The following PAXBP1 variants were observed in gnomAD, a reference collection of about 807,000 sequenced individuals.
The protein encoded by PAXBP1 is PAX3- and PAX7-binding protein 1.
In PAXBP1, 44 loss-of-function variants were observed where a neutral mutation model predicts 119.9. The ratio of observed to expected loss-of-function variants is 0.37; its 90% CI spans 0.29 to 0.47. PAXBP1 has a LOEUF of 0.47. Ranked by LOEUF, PAXBP1 falls within the 20% of genes least tolerant of loss-of-function variation. The pLI is 0.99. For synonymous variants in PAXBP1, 393 were observed against 406.6 expected (o/e 0.97, Z 0.40); for missense variants, 898 against 1,134.1 (o/e 0.79, Z 2.99).
intron 11 of PAXBP1, among the ~76,000 whole-genome samples, chr21:32,746,881 T>C (rs2043880034): frequency 1.3e-5 from 2 of 152,170 alleles, no homozygotes; most frequent in African/African-American, 4.8e-5. Context: ...GTTATACATA[T>C]ACACCATGGA....
intron 8 of PAXBP1, among the ~76,000 whole-genome samples, chr21:32,752,635 T>C (rs1266690692): frequency 4.0e-5 from 6 of 149,978 alleles, no homozygotes; most frequent in Admixed American, 4.0e-4. Flanking sequence ...GACCTTACTA[T>C]CTATCTATCT....
At chr21:32,770,072 AT>A in intron 1 of PAXBP1, 130 bp from the exon 2 acceptor site, 1 of 653,280 alleles carries the variant, frequency 1.5e-6, no homozygotes, top group Non-Finnish European at 2.4e-6. Context: ...TCATTGTATA[AT>A]TATTTCAAGT....
At chr21:32,763,023 C>T (rs542266082) in intron 3 of PAXBP1, among the ~76,000 whole-genome samples, 192 of 151,430 alleles carry the variant, frequency 1.3e-3, no homozygotes, top group Non-Finnish European at 2.0e-3. Flanking sequence ...TAGTACATTT[C>T]TCTTGCAGAT....
intron 15 of PAXBP1, among the ~76,000 whole-genome samples, chr21:32,740,234 G>A (rs1168853912): frequency 1.3e-5 from 2 of 152,168 alleles, no homozygotes; most frequent in African/African-American, 4.8e-5. Context: ...TCACCTACAT[G>A]TGACCTGGAA....
At chr21:32,737,217 C>T in intron 17 of PAXBP1, 37 bp downstream of exon 17, 3 of 1,425,644 alleles carry the variant, frequency 2.1e-6, no homozygotes, top group Non-Finnish European at 2.8e-6. Flanking sequence ...GGCAACTAAA[C>T]AACTCTAGAT....
chr21:32,763,337 T>C (rs1242137874), intron 3 of PAXBP1, among the ~76,000 whole-genome samples: 1 of 152,320 alleles, frequency 6.6e-6, no homozygotes, highest in Admixed American at 6.5e-5. Flanking sequence ...ATGTTGCTCA[T>C]TGCAAATGTT....
intron 8 of PAXBP1, among the ~76,000 whole-genome samples, chr21:32,753,252 T>A (rs572134481): frequency 6.7e-6 from 1 of 149,984 alleles, no homozygotes; most frequent in Admixed American, 6.6e-5. Context: ...AGGTCAGGAG[T>A]TCAAGACCAG....
Position 32,750,898 on chromosome 21 carries a change from T to A in PAXBP1, c.1723+19A>T. The stretch of plus-strand genomic sequence containing the variant: ...AAACTAAACTGATGATGAGTCTTAT[T>A]TCCAAATAAATGTCTAACCTTTTTC... On this transcript the variant is annotated intron_variant, in intron 10 of 17. Transcript: ENST00000331923. 1 of 1,573,258 alleles carries A rather than the reference T, an allele frequency of 6.4e-7. No homozygotes were observed. Among genetic ancestry groups the A allele is most frequent in the Non-Finnish European group, 8.7e-7 (1 of 1,148,678 alleles).
At chr21:32,750,860 C>A in intron 10 of PAXBP1, 57 bp downstream of exon 10, 1 of 1,296,064 alleles carries the variant, frequency 7.7e-7, no homozygotes, top group South Asian at 1.3e-5. Flanking sequence ...TGGTAAAAAC[C>A]ATACCCAAGT....
At chr21:32,757,832 G>T (rs2146504511) in intron 7 of PAXBP1, among the ~76,000 whole-genome samples, 1 of 152,354 alleles carries the variant, frequency 6.6e-6, no homozygotes, top group South Asian at 2.1e-4. Flanking sequence ...CCAGTAGGAA[G>T]GACATGACTG....
At position 32,771,483 on chromosome 21, in the gene PAXBP1, C is replaced by A; in HGVS notation, c.186G>T (p.Ser62=). Residue 62 remains serine, a synonymous_variant, in exon 1 of 18, where the codon TCG becomes TCT. Coordinates refer to ENST00000331923, the MANE Select transcript of PAXBP1 (RefSeq NM_016631.4). ...GGCCCGGGGTCAGCGCGGAAGGCGG[C>A]GACGGCCCCGGGCCCAGCAGCGACT... ...GGESLLGPGP[S]PPSALTPGLG... 2 of 1,325,988 alleles carry A rather than the reference C, an allele frequency of 1.5e-6. No homozygotes were observed. Among genetic ancestry groups the A allele is most frequent in the Non-Finnish European group, 1.9e-6 (2 of 1,044,760 alleles). 82.1% of individuals were successfully genotyped at this position (1,325,988 alleles called of 1,614,324 possible).
chr21:32,735,219 TTA>T, intron 17 of PAXBP1, 152 bp from the exon 18 acceptor site: 1 of 595,654 alleles, frequency 1.7e-6, no homozygotes, highest in Non-Finnish European at 2.9e-6. Flanking sequence ...CTACAGCATG[TTA>T]AAAAAAAAAA....
At position 32,743,774 on chromosome 21, in the gene PAXBP1, T is replaced by A. The variant is rs771470726; in HGVS notation, c.2191-20A>T. 3.0e-6 allele frequency: 4 copies of A among 1,340,206 alleles called. No individual in the cohort carries two copies. In the African/African-American group the frequency reaches 4.4e-5, roughly 15 times the overall value. The allele number at this position is 1,340,206 out of a possible 1,614,324, so 83.0% of individuals were successfully genotyped here. Reference sequence around the variant, plus strand: ...GTATACCTAAAAAGTTAAAAGTAGATCACACATTTTAATAAGGACTATGAC... The same window carrying A: ...GTATACCTAAAAAGTTAAAAGTAGAACACACATTTTAATAAGGACTATGAC... On this transcript the variant is annotated intron_variant, in intron 13 of 17. Coordinates refer to ENST00000331923, the MANE Select transcript of PAXBP1 (RefSeq NM_016631.4).
At position 32,762,508 on chromosome 21, in the gene PAXBP1, G is replaced by A. The variant is rs148529080; in HGVS notation, c.650-191C>T. Among the ~76,000 whole-genome samples, 298 of 152,272 alleles carry A rather than the reference G, an allele frequency of 2.0e-3. 3 individuals carry two copies. Among genetic ancestry groups the A allele is most frequent in the African/African-American group, 6.9e-3 (287 of 41,562 alleles). ...GTTTAAATGGAATATAAAAGTCACT[G>A]AGGAAACTAAAAAGAACATATAATG... On this transcript the variant is annotated intron_variant, in intron 3 of 17. Transcript: ENST00000331923.
chr21:32,740,747 T>A (rs1249916397), intron 15 of PAXBP1, among the ~76,000 whole-genome samples: 1 of 151,956 alleles, frequency 6.6e-6, no homozygotes, highest in Non-Finnish European at 1.5e-5. Flanking sequence ...AAAGATCAAC[T>A]GGACTTCATC....
intron 8 of PAXBP1, among the ~76,000 whole-genome samples, chr21:32,752,654 A>AT (rs2043974714): frequency 6.6e-6 from 1 of 152,158 alleles, no homozygotes; most frequent in Admixed American, 6.5e-5. Context: ...CTATTTATTT[A>AT]TTGAGACGGA....
At chr21:32,748,763 T>C (rs1420440052) in intron 10 of PAXBP1, 65 bp from the exon 11 acceptor site, 3 of 1,402,582 alleles carry the variant, frequency 2.1e-6, no homozygotes, top group East Asian at 2.3e-5. Flanking sequence ...AACAGTCCAA[T>C]ATTTTCAGTG....
In PAXBP1 at chr21:32,745,613, G is replaced by A. The variant is rs779164556; in HGVS notation, c.2029C>T (p.Pro677Ser). The A allele has an allele frequency of 2.5e-6, 4 of 1,613,880 alleles. No individual in the cohort carries two copies. The highest frequency in any genetic ancestry group is 1.7e-5 in the Admixed American group (1 of 60,002). ...EKDDVDVALL[P>S]TIVEKVILPK... ...AGAATCACCTTTTCCACAATGGTAG[G>A]TAGTAGGGCAACATCTACATCATCT... Residue 677 changes from proline to serine, a missense_variant, in exon 12 of 18, where the codon CCT becomes TCT. By Grantham distance (74) the Pro-to-Ser change is moderately conservative. Around this residue, in one of 2 missense-constraint regions of PAXBP1, gnomAD observed 599 missense variants for 852.7 expected, o/e 0.70. Transcript: ENST00000331923.
At position 32,747,724 on chromosome 21, in the gene PAXBP1, A is replaced by G. The variant is rs561004031; in HGVS notation, c.1923+775T>C. Among the ~76,000 whole-genome samples, 5 of 152,068 alleles carry G rather than the reference A, an allele frequency of 3.3e-5. No individual in the cohort carries two copies. In the East Asian group the frequency reaches 9.7e-4, roughly 29 times the overall value. ...TTGTAAACATCACCACTAGACCTCC[A>G]GAGTCAATTCTAGCCCCCTCCCTTA... On this transcript the variant is annotated intron_variant, in intron 11 of 17. Coordinates refer to ENST00000331923, the MANE Select transcript of PAXBP1 (RefSeq NM_016631.4).
Sources: gnomAD v4.1 joint callset for allele counts (sites outside exome capture counted in the v4.1 genomes callset) on GRCh38, gnomAD v4.1.1 for gene constraint, gnomAD v4.1.1 regional missense constraint, MANE v1.5 for transcripts, NCBI Gene and HGNC (gene_info 2026-07-23, HGNC 2026-07-21) for gene names.